Variants in ALK observed in about 807,000 individuals in gnomAD.
ALK encodes ALK receptor tyrosine kinase.
In ALK, 74 loss-of-function variants were observed where a neutral mutation model predicts 163.1. The observed-to-expected ratio is 0.45, with a 90% CI of 0.38 to 0.55. The LOEUF is 0.55. Among genes scored for constraint, ALK ranks in the 20% least tolerant of loss-of-function variants. ALK has a pLI of 0.00. For synonymous variants in ALK, 960 were observed against 843.2 expected, an observed-to-expected ratio of 1.14 and a Z score of -2.40; for missense variants, 2,063 against 2,105.3, an observed-to-expected ratio of 0.98 and a Z score of 0.39.
At chr2:29,536,785 A>G (rs1673269026) in intron 3 of ALK, among the ~76,000 whole-genome samples, 1 of 152,216 alleles carries the variant, frequency 6.6e-6, no homozygotes, top group Non-Finnish European at 1.5e-5. Flanking sequence ...AGTGAAGACA[A>G]AGCTAAGGAA....
chr2:29,569,300 G>GAGC (rs6146696), intron 3 of ALK, among the ~76,000 whole-genome samples: 146,536 of 151,238 alleles, frequency 0.97, 71,164 homozygotes, highest in South Asian at 1. Context: ...GCTGCAGCAG[G>GAGC]AGCAGCAGCA....
chr2:29,720,510 C>A (rs1473110027), intron 1 of ALK, among the ~76,000 whole-genome samples: 7 of 152,130 alleles, frequency 4.6e-5, no homozygotes, highest in African/African-American at 1.7e-4. Flanking sequence ...CCGGATGAGG[C>A]TAGGGAGCTA....
intron 1 of ALK, among the ~76,000 whole-genome samples, chr2:29,877,321 G>C (rs1271721630): frequency 6.6e-6 from 1 of 151,972 alleles, no homozygotes; most frequent in Non-Finnish European, 1.5e-5. Context: ...TCCCATTCTT[G>C]GTCTAACACC....
chr2:29,576,927 T>C (rs1404738669), intron 3 of ALK, among the ~76,000 whole-genome samples: 4 of 152,112 alleles, frequency 2.6e-5, no homozygotes, highest in Admixed American at 6.6e-5. Context: ...TTCTACATTA[T>C]GGTGAATTGT....
At chr2:29,766,893 C>G (rs548605423) in intron 1 of ALK, among the ~76,000 whole-genome samples, 2 of 152,318 alleles carry the variant, frequency 1.3e-5, no homozygotes, top group East Asian at 3.9e-4. Flanking sequence ...TCCTCACTTT[C>G]CCAGAGCCTG....
intron 1 of ALK, among the ~76,000 whole-genome samples, chr2:29,744,854 A>C (rs180830338): frequency 1.3e-5 from 2 of 152,000 alleles, no homozygotes; most frequent in African/African-American, 4.8e-5. Flanking sequence ...AGCTTTTCCA[A>C]CGCAACCTCA....
intron 3 of ALK, among the ~76,000 whole-genome samples, chr2:29,583,352 G>A (rs905031217): frequency 2.0e-5 from 3 of 152,070 alleles, no homozygotes; most frequent in Non-Finnish European, 4.4e-5. Context: ...GTCTCTGTTA[G>A]TCATACAGAT....
intron 7 of ALK, chr2:29,319,104 G>C (rs1001737750): frequency 1.3e-5 from 2 of 152,346 alleles, no homozygotes; most frequent in African/African-American, 4.8e-5. Context: ...TGCCCATGAA[G>C]ACTCACTTCT....
At chr2:29,646,379 A>G (rs897462564) in intron 3 of ALK, among the ~76,000 whole-genome samples, 4 of 152,078 alleles carry the variant, frequency 2.6e-5, no homozygotes, top group Admixed American at 2.0e-4. Flanking sequence ...ATATTTCTAC[A>G]CATCTACATG....
chr2:29,408,614 A>G (rs568188086), intron 4 of ALK, among the ~76,000 whole-genome samples: 51 of 152,246 alleles, frequency 3.3e-4, no homozygotes, highest in Non-Finnish European at 6.2e-4. Context: ...CTCTTTTAAA[A>G]GAGGCTTATG....
intron 1 of ALK, among the ~76,000 whole-genome samples, chr2:29,729,991 T>A (rs2253781): frequency 0.78 from 118,651 of 152,056 alleles, 46,852 homozygotes; most frequent in Non-Finnish European, 0.85. Context: ...AAGGAGAGAG[T>A]TCCTCTGCAC....
rs1665500802 is a variant in ALK at position 29,275,155 on chromosome 2, T to C, written c.1985A>G (p.Lys662Arg). 6.2e-7 allele frequency: 1 copy of C among 1,614,110 alleles called. No homozygotes were observed. The highest frequency in any genetic ancestry group is 1.3e-5 in the African/African-American group (1 of 74,940). The change falls in exon 11 of 29, where the codon AAG becomes AGG. Residue 662 changes from lysine (K) to arginine (R), a missense_variant. Lys to Arg is a conservative substitution (Grantham distance 26, BLOSUM62 2). Transcript: ENST00000389048. ...TGAATTTTCCCCGGGTTTCAGCTCCTTGTTTGGGTTTCTCTCAAACAGGTT... is the reference window on the plus strand; with the variant it reads ...TGAATTTTCCCCGGGTTTCAGCTCCCTGTTTGGGTTTCTCTCAAACAGGTT... ...SRNLFERNPNKELKPGENSPR... is the reference protein window; with the variant it reads ...SRNLFERNPNRELKPGENSPR...
chr2:29,452,324 T>A (rs1670839509), intron 4 of ALK, among the ~76,000 whole-genome samples: 1 of 77,128 alleles, frequency 1.3e-5, no homozygotes, highest in African/African-American at 6.6e-5. Context: ...CTCACTCAAG[T>A]TTTTTTTGTT....
In ALK at chr2:29,223,522, C is replaced by G. The variant is rs769322016; in HGVS notation, c.3179G>C (p.Arg1060Pro). 6.2e-7 allele frequency: 1 copy of G among 1,613,506 alleles called. No individual in the cohort carries two copies. The highest frequency in any genetic ancestry group is 2.2e-5 in the East Asian group (1 of 44,858). The change falls in exon 20 of 29, where the codon CGC (arginine) becomes CCC (proline). Residue 1060 changes from arginine (R) to proline (P), a missense_variant. Coordinates refer to ENST00000389048, the MANE Select transcript of ALK (RefSeq NM_004304.5). ...GGCTTGCAGCTCCTGGTGCTTCCGG[C>G]GGTACACTGCAGGTGGGTGGTCAGC... is the stretch of plus-strand genomic sequence containing the variant. ...LAFSGIMIVYRRKHQELQAMQ... is the reference protein window; with the variant it reads ...LAFSGIMIVYPRKHQELQAMQ...
rs917188667 is a variant in ALK at position 29,432,421 on chromosome 2, C to A, written c.1155-48562G>T. 6.8e-4 allele frequency among the ~76,000 whole-genome samples: 103 copies of A among 152,276 alleles called. 1 individual carries two copies. The highest frequency in any genetic ancestry group is 3.4e-3 in the Middle Eastern group (1 of 294). On this transcript the variant is annotated intron_variant, in intron 4 of 28. Transcript: ENST00000389048. The stretch of plus-strand genomic sequence containing the variant: ...GACTGTAAGCTTCCTGAGGCCTCAT[C>A]AGAAGCCGAACAGATGCTGGTTCCA...
chr2:29,817,200 G>A (rs953145647), intron 1 of ALK, among the ~76,000 whole-genome samples: 1 of 146,442 alleles, frequency 6.8e-6, no homozygotes, highest in African/African-American at 2.5e-5. Context: ...AGGTGGGTGT[G>A]TCACACTAAG....
At chr2:29,752,098 G>A (rs1344709312) in intron 1 of ALK, among the ~76,000 whole-genome samples, 9 of 152,108 alleles carry the variant, frequency 5.9e-5, no homozygotes, top group African/African-American at 1.9e-4. Flanking sequence ...AACTTATGAT[G>A]GCATAACTTA....
intron 11 of ALK, among the ~76,000 whole-genome samples, chr2:29,272,096 G>A (rs571504923): frequency 6.6e-6 from 1 of 151,344 alleles, no homozygotes; most frequent in African/African-American, 2.4e-5. Context: ...CCTCCTCACT[G>A]CTAACATTCA....
intron 3 of ALK, among the ~76,000 whole-genome samples, chr2:29,678,736 T>G (rs1448249031): frequency 6.6e-6 from 1 of 151,532 alleles, no homozygotes; most frequent in East Asian, 1.9e-4. Context: ...ATAATACTGA[T>G]TTTTTACTTG....
Sources: allele counts gnomAD v4.1 joint callset (sites outside exome capture counted in the v4.1 genomes callset), GRCh38; gene constraint gnomAD v4.1.1; transcripts MANE v1.5; gene names NCBI Gene and HGNC (gene_info 2026-07-23, HGNC 2026-07-21).